The following TNFRSF10A variants were observed in gnomAD, a reference collection of about 807,000 sequenced individuals.
TNFRSF10A encodes the protein TNF receptor superfamily member 10a.
Under a neutral mutation model 42.8 loss-of-function variants are expected in TNFRSF10A, and 44 were observed. The observed-to-expected ratio is 1.03, with a 90% CI of 0.81 to 1.32. The LOEUF is 1.32. Among genes scored for constraint, TNFRSF10A ranks in the 40% most tolerant of loss-of-function variants. The pLI, the probability that TNFRSF10A is intolerant of heterozygous loss-of-function variation, is 0.00. For missense variants in TNFRSF10A, 680 were observed against 602.0 expected (o/e 1.13, Z -1.36); for synonymous variants, 259 against 234.2 (o/e 1.11, Z -0.97).
intron 4 of TNFRSF10A, among the ~76,000 whole-genome samples, chr8:23,201,093 TG>T (rs1403145472): frequency 6.6e-6 from 1 of 152,186 alleles, no homozygotes; most frequent in Non-Finnish European, 1.5e-5. Context: ...CAAGCCCGTG[TG>T]GCCACAAGCT....
chr8:23,196,962 G>A (rs1256152871), intron 9 of TNFRSF10A, among the ~76,000 whole-genome samples, 170 bp downstream of exon 9: 1 of 152,152 alleles, frequency 6.6e-6, no homozygotes, highest in East Asian at 1.9e-4. Flanking sequence ...GGTAGAGTGG[G>A]AAGAAGAGAT....
At chr8:23,198,933 C>T (rs1800866945) in intron 8 of TNFRSF10A, among the ~76,000 whole-genome samples, 1 of 152,218 alleles carries the variant, frequency 6.6e-6, no homozygotes, top group Admixed American at 6.5e-5. Flanking sequence ...AATTTAAAAT[C>T]CCTGCTGTTA....
At chr8:23,195,468 TATTA>T (rs2128846589) in intron 9 of TNFRSF10A, among the ~76,000 whole-genome samples, 1 of 152,384 alleles carries the variant, frequency 6.6e-6, no homozygotes, top group South Asian at 2.1e-4. Flanking sequence ...TATTTGTGAC[TATTA>T]ATTCATGGCA....
At chr8:23,203,395 AG>A (rs1800962910) in intron 2 of TNFRSF10A, among the ~76,000 whole-genome samples, 1 of 152,326 alleles carries the variant, frequency 6.6e-6, no homozygotes, top group Middle Eastern at 3.4e-3. Context: ...GGAAGGAAAA[AG>A]GGTCCTCCCT....
chr8:23,207,382 T>C, intron 2 of TNFRSF10A: 1 of 560,036 alleles, frequency 1.8e-6, no homozygotes, highest in Non-Finnish European at 3.4e-6. Context: ...TGAATCCAGC[T>C]GGCTAATTCT....
chr8:23,215,275 G>T (rs919101434), intron 1 of TNFRSF10A, among the ~76,000 whole-genome samples: 2 of 152,174 alleles, frequency 1.3e-5, no homozygotes, highest in African/African-American at 4.8e-5. Context: ...CCAGCACTTT[G>T]GGAGGCCAAA....
chr8:23,206,361 A>G (rs4526369), intron 2 of TNFRSF10A, among the ~76,000 whole-genome samples: 37,818 of 152,134 alleles, frequency 0.25, 5,260 homozygotes, highest in East Asian at 0.68. Flanking sequence ...ACTCACCCAG[A>G]CAAGATCCAG....
chr8:23,196,299 T>C (rs911540084), intron 9 of TNFRSF10A, among the ~76,000 whole-genome samples: 30 of 152,264 alleles, frequency 2.0e-4, no homozygotes, highest in African/African-American at 6.0e-4. Flanking sequence ...GTTCATGCCA[T>C]TCTCCTGCCT....
intron 1 of TNFRSF10A, chr8:23,224,521 T>C: frequency 1.8e-6 from 1 of 546,900 alleles, no homozygotes; most frequent in South Asian, 2.2e-5. Flanking sequence ...CGGGGTGGAG[T>C]CCCCGGGCCC....
chr8:23,212,276 C>G, intron 1 of TNFRSF10A, 64 bp from the exon 2 acceptor site: 2 of 1,398,940 alleles, frequency 1.4e-6, no homozygotes, highest in Non-Finnish European at 2.0e-6. Flanking sequence ...CAAGATCAAT[C>G]TCACATTCCA....
At chr8:23,213,597 G>A (rs1336005916) in intron 1 of TNFRSF10A, among the ~76,000 whole-genome samples, 7 of 72,138 alleles carry the variant, frequency 9.7e-5, no homozygotes, top group African/African-American at 1.6e-4. Flanking sequence ...ACAGGCGCCC[G>A]CCACCATGCC....
At chr8:23,192,795 T>G (rs111852197) in intron 9 of TNFRSF10A, among the ~76,000 whole-genome samples, 14 of 152,376 alleles carry the variant, frequency 9.2e-5, no homozygotes, top group African/African-American at 3.4e-4. Context: ...AGAAAGGTTT[T>G]TTTGATAAAC....
chr8:23,205,145 A>G (rs1250489736), intron 2 of TNFRSF10A, among the ~76,000 whole-genome samples: 1 of 152,198 alleles, frequency 6.6e-6, no homozygotes, highest in Non-Finnish European at 1.5e-5. Flanking sequence ...CTAGTTCTTT[A>G]AATAGATCGA....
At chr8:23,193,842 T>C (rs11779484) in intron 9 of TNFRSF10A, among the ~76,000 whole-genome samples, 11,986 of 152,296 alleles carry the variant, frequency 0.079, 768 homozygotes, top group South Asian at 0.3. Flanking sequence ...GGTATTCTTT[T>C]GTAATACTGT....
chr8:23,215,410 A>G (rs1801163127), intron 1 of TNFRSF10A, among the ~76,000 whole-genome samples: 1 of 152,102 alleles, frequency 6.6e-6, no homozygotes. Context: ...CCAGAGGCTG[A>G]GGCAGGAGAA....
chr8:23,202,612 C>T, intron 3 of TNFRSF10A, 36 bp downstream of exon 3: 1 of 1,568,808 alleles, frequency 6.4e-7, no homozygotes. Flanking sequence ...CTGCCCCTCA[C>T]TCCACCTCTG....
Position 23,224,836 on chromosome 8 carries a change from G to C in TNFRSF10A, c.226C>G (p.Pro76Ala). 1 of 1,565,962 alleles carries C rather than the reference G, an allele frequency of 6.4e-7. No individual in the cohort carries two copies. Among genetic ancestry groups the C allele is most frequent in the Non-Finnish European group, 8.7e-7 (1 of 1,155,572 alleles). ...GGGCTGGCTTCCCGCGCCGGCCTGGGTCCTGGGGCGCGCCCTGCCCGGGCC... is the reference window on the plus strand; with the variant it reads ...GGGCTGGCTTCCCGCGCCGGCCTGGCTCCTGGGGCGCGCCCTGCCCGGGCC... ...ARARAGRAPG[P>A]RPAREASPRL... The change falls in exon 1 of 10, where the codon CCC (proline) becomes GCC (alanine). Residue 76 changes from proline to alanine, a missense_variant. By Grantham distance (27) the Pro-to-Ala change is conservative (BLOSUM62 -1). Coordinates refer to ENST00000221132, the MANE Select transcript of TNFRSF10A (RefSeq NM_003844.4).
At chr8:23,192,171 A>G (rs2128845920) in intron 9 of TNFRSF10A, among the ~76,000 whole-genome samples, 158 bp from the exon 10 acceptor site, 1 of 152,258 alleles carries the variant, frequency 6.6e-6, no homozygotes, top group Middle Eastern at 3.4e-3. Context: ...TCCCATCCAC[A>G]GAGAGCCCAC....
intron 2 of TNFRSF10A, among the ~76,000 whole-genome samples, chr8:23,203,702 G>A (rs1473382778): frequency 3.3e-5 from 5 of 152,008 alleles, no homozygotes; most frequent in Admixed American, 1.3e-4. Context: ...TTACGATGAC[G>A]ACACTACCAA....
Sources: allele counts gnomAD v4.1 joint callset (sites outside exome capture counted in the v4.1 genomes callset), GRCh38; gene constraint gnomAD v4.1.1; transcripts MANE v1.5; gene names NCBI Gene and HGNC (gene_info 2026-07-23, HGNC 2026-07-21).